Variants in KCNJ3 observed in about 807,000 individuals in gnomAD.
KCNJ3 encodes the protein G protein-activated inward rectifier potassium channel 1.
Under a neutral mutation model 39.2 loss-of-function variants are expected in KCNJ3, and 4 were observed. The observed-to-expected ratio is 0.10, with a 90% CI of 0.05 to 0.23. The LOEUF (loss-of-function observed/expected upper bound fraction) is 0.23. KCNJ3 is among the 10% of genes least tolerant of loss of function. The pLI is 1.00. For synonymous variants in KCNJ3, 230 were observed against 237.4 expected, an observed-to-expected ratio of 0.97 and a Z score of 0.29; for missense variants, 276 against 634.9, an observed-to-expected ratio of 0.43 and a Z score of 6.08.
intron 2 of KCNJ3, among the ~76,000 whole-genome samples, chr2:154,787,216 T>C (rs1167176885): frequency 6.6e-6 from 1 of 152,234 alleles, no homozygotes; most frequent in Non-Finnish European, 1.5e-5. Context: ...TCAATAACAC[T>C]TAGTATTATT....
At chr2:154,742,789 A>G (rs1177614636) in intron 2 of KCNJ3, among the ~76,000 whole-genome samples, 2 of 151,812 alleles carry the variant, frequency 1.3e-5, no homozygotes, top group Non-Finnish European at 2.9e-5. Flanking sequence ...TATCAGATAT[A>G]TGATTTGCAA....
intron 1 of KCNJ3, among the ~76,000 whole-genome samples, chr2:154,705,269 G>A (rs1207377481): frequency 2.6e-5 from 4 of 152,160 alleles, no homozygotes; most frequent in African/African-American, 9.6e-5. Context: ...ATATATCCAC[G>A]AGAAGGAGGG....
intron 2 of KCNJ3, among the ~76,000 whole-genome samples, chr2:154,772,881 C>A (rs989263334): frequency 9.2e-5 from 14 of 151,830 alleles, no homozygotes; most frequent in Admixed American, 5.9e-4. Context: ...TGCAGTTAAC[C>A]AAGTGTGATG....
chr2:154,771,572 C>T (rs559059599), intron 2 of KCNJ3, among the ~76,000 whole-genome samples: 1 of 152,088 alleles, frequency 6.6e-6, no homozygotes, highest in Non-Finnish European at 1.5e-5. Context: ...ATAGGGCAGA[C>T]TCAACCACGG....
intron 2 of KCNJ3, among the ~76,000 whole-genome samples, chr2:154,832,204 A>AAGAT (rs1368435999): frequency 6.6e-6 from 1 of 152,076 alleles, no homozygotes; most frequent in Non-Finnish European, 1.5e-5. Context: ...AAATTTCAGG[A>AAGAT]AGATATTTGA....
chr2:154,774,321 A>G (rs557975344), intron 2 of KCNJ3, among the ~76,000 whole-genome samples: 2 of 152,264 alleles, frequency 1.3e-5, no homozygotes, highest in Admixed American at 1.3e-4. Flanking sequence ...TTCATCTCCA[A>G]GACTAGTTTT....
chr2:154,709,370 G>C (rs1047246125), intron 1 of KCNJ3: 1 of 535,566 alleles, frequency 1.9e-6, no homozygotes, highest in Non-Finnish European at 3.4e-6. Flanking sequence ...TCATGAGTTA[G>C]GGAATGGTAA....
intron 2 of KCNJ3, among the ~76,000 whole-genome samples, chr2:154,810,711 TA>T (rs1686994921): frequency 6.6e-6 from 1 of 152,080 alleles, no homozygotes; most frequent in African/African-American, 2.4e-5. Context: ...ACAGATGAAT[TA>T]AAAAATAAAA....
Position 154,709,697 on chromosome 2 carries a change from C to T in KCNJ3, c.797C>T (p.Ser266Phe). Residue 266 changes from serine (S) to phenylalanine (F), a missense_variant, in exon 2 of 3, where the codon TCC (serine) becomes TTC (phenylalanine). Around this residue, in one of 4 missense-constraint regions of KCNJ3, gnomAD observed 77 missense variants for 200.0 expected, o/e 0.38. Coordinates refer to ENST00000295101, the MANE Select transcript of KCNJ3 (RefSeq NM_002239.4). ...STGADQLFLV[S>F]PLTICHVIDA... ...GGGGCAGATCAACTTTTTCTTGTGT[C>T]CCCCCTCACAATTTGCCACGTGATC... is the stretch of plus-strand genomic sequence containing the variant. The T allele has an allele frequency of 6.2e-7, 1 of 1,613,798 alleles. No individual in the cohort carries two copies. The highest frequency in any genetic ancestry group is 8.5e-7 in the Non-Finnish European group (1 of 1,179,862).
At chr2:154,801,010 T>C (rs1686809154) in intron 2 of KCNJ3, among the ~76,000 whole-genome samples, 1 of 152,160 alleles carries the variant, frequency 6.6e-6, no homozygotes, top group Admixed American at 6.5e-5. Flanking sequence ...TTAGTTGTTT[T>C]AGCATCTATC....
At chr2:154,769,303 G>A (rs1686194706) in intron 2 of KCNJ3, among the ~76,000 whole-genome samples, 1 of 152,118 alleles carries the variant, frequency 6.6e-6, no homozygotes, top group Admixed American at 6.5e-5. Context: ...TGCCCATTCA[G>A]TATGATATTG....
chr2:154,807,623 T>A (rs1253008413), intron 2 of KCNJ3, among the ~76,000 whole-genome samples: 1 of 152,124 alleles, frequency 6.6e-6, no homozygotes, highest in East Asian at 1.9e-4. Context: ...TGAGAAGACA[T>A]CTAGAGGTGG....
At chr2:154,775,375 G>A (rs552249218) in intron 2 of KCNJ3, among the ~76,000 whole-genome samples, 1 of 152,128 alleles carries the variant, frequency 6.6e-6, no homozygotes, top group Middle Eastern at 3.4e-3. Flanking sequence ...CGCTATTCTG[G>A]AATCAGTATT....
chr2:154,796,596 G>T (rs1686724106), intron 2 of KCNJ3, among the ~76,000 whole-genome samples: 1 of 151,760 alleles, frequency 6.6e-6, no homozygotes, highest in Admixed American at 6.6e-5. Flanking sequence ...AGTCTATATT[G>T]CTAACTAATG....
intron 2 of KCNJ3, among the ~76,000 whole-genome samples, chr2:154,806,865 C>A (rs1261288635): frequency 6.6e-6 from 1 of 152,158 alleles, no homozygotes; most frequent in Non-Finnish European, 1.5e-5. Context: ...TCGCACTGAC[C>A]TTTCCTCTTG....
At chr2:154,833,707 C>G (rs377763979) in intron 2 of KCNJ3, among the ~76,000 whole-genome samples, 8 of 152,278 alleles carry the variant, frequency 5.3e-5, no homozygotes, top group African/African-American at 1.7e-4. Flanking sequence ...CCCTCCGTCT[C>G]CCTAAACCCC....
intron 2 of KCNJ3, among the ~76,000 whole-genome samples, chr2:154,810,751 A>G (rs1384697537): frequency 1.3e-5 from 2 of 152,240 alleles, no homozygotes; most frequent in Admixed American, 6.5e-5. Flanking sequence ...AGCTAGAAAT[A>G]TAATTGAAGT....
intron 2 of KCNJ3, among the ~76,000 whole-genome samples, chr2:154,733,480 A>T (rs557253385): frequency 4.1e-4 from 62 of 152,274 alleles, no homozygotes; most frequent in African/African-American, 1.2e-3. Flanking sequence ...TATTTTCATT[A>T]GTTTTAAGTT....
intron 1 of KCNJ3, among the ~76,000 whole-genome samples, chr2:154,703,479 A>ATATGTGTG (rs372548966): frequency 1.1e-4 from 17 of 148,290 alleles, no homozygotes; most frequent in African/African-American, 2.2e-4. Context: ...CTCCATATAT[A>ATATGTGTG]TGTGTGTGTG....
Sources: gnomAD v4.1 joint callset for allele counts (sites outside exome capture counted in the v4.1 genomes callset) on GRCh38, gnomAD v4.1.1 for gene constraint, gnomAD v4.1.1 regional missense constraint, MANE v1.5 for transcripts, NCBI Gene and HGNC (gene_info 2026-07-23, HGNC 2026-07-21) for gene names.